The following STAU1 variants were observed in gnomAD, a reference collection of about 807,000 sequenced individuals.
The protein encoded by STAU1 is double-stranded RNA-binding protein Staufen homolog 1.
In STAU1, 13 loss-of-function variants were observed where a neutral mutation model predicts 62.9. That is an observed-to-expected ratio of 0.21 (90% CI 0.13 to 0.33). The LOEUF (loss-of-function observed/expected upper bound fraction) is 0.33. Among genes scored for constraint, STAU1 ranks in the 10% least tolerant of loss-of-function variants. The pLI is 1.00. For synonymous variants in STAU1, 269 were observed against 265.1 expected (o/e 1.01, Z -0.14); for missense variants, 571 against 712.1 (o/e 0.80, Z 2.25).
chr20:49,122,683 T>C (rs2092492583), intron 8 of STAU1, among the ~76,000 whole-genome samples: 1 of 152,128 alleles, frequency 6.6e-6, no homozygotes, highest in Non-Finnish European at 1.5e-5. Context: ...TTTGGGAGGC[T>C]GAGGTGGGAG....
chr20:49,134,722 A>G (rs1039816108), intron 6 of STAU1: 15 of 1,087,300 alleles, frequency 1.4e-5, no homozygotes, highest in Non-Finnish European at 1.9e-5. Context: ...GTCTGAAAAA[A>G]CTCCAAAAGT....
the STAU1 span, among the ~76,000 whole-genome samples, chr20:49,193,372 G>C: frequency 6.6e-6 from 1 of 151,552 alleles, no homozygotes; most frequent in Non-Finnish European, 1.5e-5. Context: ...GCAAGACTCT[G>C]TCTCTAAAGA....
intron 3 of STAU1, among the ~76,000 whole-genome samples, chr20:49,163,944 C>A (rs2093487818): frequency 6.6e-6 from 1 of 151,788 alleles, no homozygotes; most frequent in African/African-American, 2.4e-5. Context: ...TTTAAATTGG[C>A]CTCGCAGCCT....
chr20:49,167,903 A>G (rs1426539121), intron 2 of STAU1, among the ~76,000 whole-genome samples: 1 of 152,152 alleles, frequency 6.6e-6, no homozygotes, highest in Non-Finnish European at 1.5e-5. Context: ...GGAGTAAAGT[A>G]TCTGCTCCAG....
At chr20:49,214,209 CACAAA>C in the STAU1 span, among the ~76,000 whole-genome samples, 2 of 150,562 alleles carry the variant, frequency 1.3e-5, no homozygotes, top group African/African-American at 2.4e-5. Context: ...TAGACTCTAT[CACAAA>C]ACAAAACAAA....
At chr20:49,203,949 C>A in the STAU1 span, among the ~76,000 whole-genome samples, 1 of 152,304 alleles carries the variant, frequency 6.6e-6, no homozygotes, top group Non-Finnish European at 1.5e-5. Context: ...CTCCCAAGTG[C>A]TGGGATAACA....
chr20:49,206,632 G>C, the STAU1 span, among the ~76,000 whole-genome samples: 15,910 of 143,272 alleles, frequency 0.11, 1,066 homozygotes, highest in South Asian at 0.18. Context: ...AAAGTACTGA[G>C]ATTATAGGCA....
upstream of STAU1, among the ~76,000 whole-genome samples, chr20:49,192,179 T>C (rs559177606): frequency 1.3e-5 from 2 of 151,598 alleles, no homozygotes; most frequent in East Asian, 2.0e-4. Flanking sequence ...ACCCCATCTC[T>C]ACTAAAAATA....
At chr20:49,159,908 A>G (rs545260291) in intron 3 of STAU1, among the ~76,000 whole-genome samples, 2 of 152,326 alleles carry the variant, frequency 1.3e-5, no homozygotes, top group African/African-American at 4.8e-5. Context: ...AAATAGAATT[A>G]TGTTTTAAAA....
At chr20:49,195,414 T>C in the STAU1 span, among the ~76,000 whole-genome samples, 1 of 151,564 alleles carries the variant, frequency 6.6e-6, no homozygotes, top group Non-Finnish European at 1.5e-5. Flanking sequence ...GGCAGGTGCC[T>C]GTAGTCCCAG....
intron 2 of STAU1, among the ~76,000 whole-genome samples, chr20:49,169,321 T>C (rs539105250): frequency 6.6e-6 from 1 of 152,250 alleles, no homozygotes; most frequent in South Asian, 2.1e-4. Flanking sequence ...ATCACAGTGA[T>C]GAATGGGGGA....
intron 2 of STAU1, 60 bp from the exon 3 acceptor site, chr20:49,166,345 C>A (rs41283572): frequency 0.013 from 8,874 of 677,560 alleles, 82 homozygotes; most frequent in Non-Finnish European, 0.017. Context: ...ATGTAATTGC[C>A]AATATTCAGT....
Position 49,114,779 on chromosome 20 carries a change from G to A in STAU1, c.*99C>T, listed in dbSNP as rs2092273249. 1.1e-5 allele frequency: 13 copies of A among 1,136,878 alleles called. No individual in the cohort carries two copies. The highest frequency in any genetic ancestry group is 3.8e-5 in the South Asian group (3 of 78,170). 70.4% of individuals were successfully genotyped at this position (1,136,878 alleles called of 1,614,324 possible). ...ACATCCTTTACCCACCGTGTCTCTC[G>A]GCCCACTGGAGGTATCAGAAATTCC... On this transcript the variant is annotated 3_prime_UTR_variant, in exon 14 of 14. Coordinates refer to ENST00000371856, the MANE Select transcript of STAU1 (RefSeq NM_017453.4).
At chr20:49,202,859 G>A in the STAU1 span, among the ~76,000 whole-genome samples, 2 of 151,824 alleles carry the variant, frequency 1.3e-5, no homozygotes, top group Non-Finnish European at 2.9e-5. Context: ...TGGCCAACAT[G>A]GTGAAACCCT....
chr20:49,164,305 TTTTTC>T lies in STAU1; in HGVS notation c.205+1687_205+1691del, dbSNP rs536693201. On this transcript the variant is annotated intron_variant, in intron 3 of 13. Transcript: ENST00000371856. ...ACCTTGCCAGCCAAGAAGGAGACTTTTTTTCTTTTGAGACAGGGTCTCGCTCTGTC... is the reference window on the plus strand; with the variant it reads ...ACCTTGCCAGCCAAGAAGGAGACTTTTTTTGAGACAGGGTCTCGCTCTGTC... Among the ~76,000 whole-genome samples the T allele has an allele frequency of 2.7e-3, 407 of 151,236 alleles. 3 individuals are homozygous for T. Among genetic ancestry groups the T allele is most frequent in the African/African-American group, 9.3e-3 (384 of 41,156 alleles).
intron 1 of STAU1, among the ~76,000 whole-genome samples, chr20:49,178,003 C>A (rs1253084519): frequency 1.3e-5 from 2 of 151,414 alleles, no homozygotes; most frequent in African/African-American, 4.9e-5. Context: ...CAGAGGAAGA[C>A]CCCATCTCTC....
At chr20:49,188,812 A>G (rs946397968), upstream of STAU1, among the ~76,000 whole-genome samples, 1 of 152,246 alleles carries the variant, frequency 6.6e-6, no homozygotes, top group Admixed American at 6.5e-5. Flanking sequence ...CTAAGAATGT[A>G]GTGGTGAACT....
At chr20:49,207,034 G>A in the STAU1 span, among the ~76,000 whole-genome samples, 8 of 151,682 alleles carry the variant, frequency 5.3e-5, no homozygotes, top group African/African-American at 1.5e-4. Flanking sequence ...GATTACAGGC[G>A]TCAGCCACCT....
the STAU1 span, chr20:49,210,408 G>A: frequency 2.2e-6 from 1 of 455,760 alleles, no homozygotes; most frequent in African/African-American, 2.0e-5. Context: ...GGGCAAATGT[G>A]TTTCTTAGCT....
Sources: gnomAD v4.1 joint callset for allele counts (sites outside exome capture counted in the v4.1 genomes callset) on GRCh38, gnomAD v4.1.1 for gene constraint, MANE v1.5 for transcripts, NCBI Gene and HGNC (gene_info 2026-07-23, HGNC 2026-07-21) for gene names.